AKR1C4: variants seen among roughly 807,000 people sequenced by gnomAD.
AKR1C4 encodes aldo-keto reductase family 1 member C4, also known as 3-alpha-HSD1.
AKR1C4 carries 44 observed loss-of-function variants against 41.0 expected under a neutral mutation model. The ratio of observed to expected loss-of-function variants is 1.07; its 90% CI spans 0.84 to 1.38. The LOEUF (loss-of-function observed/expected upper bound fraction) is 1.38, where lower values mean the gene tolerates loss of function less well. Among genes scored for constraint, AKR1C4 ranks in the 40% most tolerant of loss-of-function variants. The pLI is 0.00. For synonymous variants in AKR1C4, 165 were observed against 137.7 expected (o/e 1.20, Z -1.39); for missense variants, 438 against 387.9 (o/e 1.13, Z -1.09).
rs530573142 is a variant in AKR1C4, at chr10:5,200,062, G to T, written c.85-119G>T. On this transcript the variant is annotated intron_variant, in intron 1 of 8. Coordinates refer to ENST00000263126, the MANE Select transcript of AKR1C4 (RefSeq NM_001818.5). ...CTCCCCTAGAGGTCTGAGCAGCGGG[G>T]GCCTGAAGAAGCGAGCCACACCCCC... 2.4e-4 allele frequency: 314 copies of T among 1,305,484 alleles called. No individual in the cohort carries two copies. In the Middle Eastern group the frequency reaches 2.5e-3, roughly 10 times the overall value. 80.9% of individuals were successfully genotyped at this position (1,305,484 alleles called of 1,614,324 possible). A position where few individuals can be genotyped will look rare whatever the true frequency, so the allele number is the denominator to read the frequency against.
intron 2 of AKR1C4, among the ~76,000 whole-genome samples, chr10:5,203,092 G>A (rs1427645173): frequency 6.6e-6 from 1 of 151,930 alleles, no homozygotes; most frequent in African/African-American, 2.4e-5. Context: ...ATTGGTACCA[G>A]TTCTTCTTTG....
At chr10:5,203,167 G>C (rs1022790660) in intron 2 of AKR1C4, among the ~76,000 whole-genome samples, 1 of 151,984 alleles carries the variant, frequency 6.6e-6, no homozygotes, top group Non-Finnish European at 1.5e-5. Flanking sequence ...CACCTTCAAG[G>C]CCAGGTGCCA....
intron 7 of AKR1C4, among the ~76,000 whole-genome samples, chr10:5,214,320 T>C (rs1832622422): frequency 6.6e-6 from 1 of 152,158 alleles, no homozygotes; most frequent in Non-Finnish European, 1.5e-5. Flanking sequence ...TAAGATTATG[T>C]TGAATAGAAA....
chr10:5,200,769 C>T (rs957949927), intron 2 of AKR1C4, among the ~76,000 whole-genome samples: 9 of 152,134 alleles, frequency 5.9e-5, no homozygotes, highest in African/African-American at 1.9e-4. Flanking sequence ...CCCAACCTAA[C>T]CCACACTGAG....
At chr10:5,202,939 T>TTGTGTGTG (rs57414547) in intron 2 of AKR1C4, among the ~76,000 whole-genome samples, 3,944 of 139,128 alleles carry the variant, frequency 0.028, 127 homozygotes, top group African/African-American at 0.07. Flanking sequence ...TAGTTTTCTT[T>TTGTGTGTG]TGTGTGTGTG....
rs1832648331 is a variant in AKR1C4, at chr10:5,215,836, C to T, written c.847-875C>T. 3.9e-5 allele frequency among the ~76,000 whole-genome samples: 6 copies of T among 152,148 alleles called. No individual in the cohort carries two copies. In the South Asian group the frequency reaches 1.2e-3, roughly 31 times the overall value. ...AATGCCTAACAAGTTCCAGACTACC[C>T]CTTATCTTCCCATTTTCTTCTGAAC... is the stretch of plus-strand genomic sequence containing the variant. On this transcript the variant is annotated intron_variant, in intron 7 of 8. Transcript: ENST00000263126.
chr10:5,206,149 T>C, intron 4 of AKR1C4, 126 bp from the exon 5 acceptor site: 2 of 1,493,176 alleles, frequency 1.3e-6, no homozygotes, highest in Non-Finnish European at 1.8e-6. Flanking sequence ...TAATTTTTTC[T>C]CTTGAGAATC....
At chr10:5,218,314 T>A (rs892371859) in intron 8 of AKR1C4, among the ~76,000 whole-genome samples, 4 of 152,214 alleles carry the variant, frequency 2.6e-5, no homozygotes, top group Admixed American at 6.5e-5. Context: ...ACCAATAACA[T>A]TTAACCCTCA....
chr10:5,212,974 A>G lies in AKR1C4; in HGVS notation c.681-20A>G. ...CTGAATCCAGCCTCAAGACTTCAGC[A>G]TTTCTGGCTTTCCTTCCAGGGTGGA... On this transcript the variant is annotated intron_variant, in intron 6 of 8. Coordinates refer to ENST00000263126, the MANE Select transcript of AKR1C4 (RefSeq NM_001818.5). The G allele has an allele frequency of 6.2e-7, 1 of 1,612,754 alleles. No individual in the cohort carries two copies. The highest frequency in any genetic ancestry group is 1.1e-5 in the South Asian group (1 of 90,932).
At chr10:5,212,459 G>A (rs1832590079) in intron 5 of AKR1C4, among the ~76,000 whole-genome samples, 157 bp from the exon 6 acceptor site, 1 of 152,134 alleles carries the variant, frequency 6.6e-6, no homozygotes, top group Non-Finnish European at 1.5e-5. Context: ...TATACTTTTA[G>A]ACCAGTAATA....
chr10:5,207,453 G>A, intron 5 of AKR1C4: 2 of 362,570 alleles, frequency 5.5e-6, no homozygotes, highest in South Asian at 2.4e-5. Context: ...ATGGCATTGT[G>A]TTTGTTGTGG....
At chr10:5,218,008 GAT>G (rs1832679292) in intron 8 of AKR1C4, among the ~76,000 whole-genome samples, 1 of 152,086 alleles carries the variant, frequency 6.6e-6, no homozygotes, top group Non-Finnish European at 1.5e-5. Flanking sequence ...AACATTTTTA[GAT>G]ATCTTTATTA....
chr10:5,203,249 T>C (rs1832429841), intron 2 of AKR1C4, among the ~76,000 whole-genome samples: 1 of 152,014 alleles, frequency 6.6e-6, no homozygotes, highest in Non-Finnish European at 1.5e-5. Flanking sequence ...TCATTCCCAC[T>C]TGAGATAATA....
At chr10:5,202,939 TTG>T (rs57414547) in intron 2 of AKR1C4, among the ~76,000 whole-genome samples, 6,489 of 139,114 alleles carry the variant, frequency 0.047, 164 homozygotes, top group Middle Eastern at 0.067. Flanking sequence ...TAGTTTTCTT[TTG>T]TGTGTGTGTG....
At chr10:5,207,682 G>A (rs1211025482) in intron 5 of AKR1C4, 5 of 865,912 alleles carry the variant, frequency 5.8e-6, no homozygotes, top group Middle Eastern at 3.1e-4. Context: ...TGAAATAAAG[G>A]AAGGACTTGA....
intron 7 of AKR1C4, 151 bp downstream of exon 7, chr10:5,213,310 C>T (rs1832606491): frequency 1.5e-6 from 2 of 1,322,230 alleles, no homozygotes; most frequent in South Asian, 3.3e-5. Context: ...TTCTACTCTA[C>T]CACAGGAGGG....
chr10:5,201,202 TAC>T (rs1337310174), intron 2 of AKR1C4, among the ~76,000 whole-genome samples: 3 of 152,194 alleles, frequency 2.0e-5, no homozygotes, highest in African/African-American at 7.2e-5. Context: ...CCATAAAGAT[TAC>T]ACTCATTTAC....
chr10:5,206,172 A>G (rs1326815689), intron 4 of AKR1C4, 103 bp from the exon 5 acceptor site: 1 of 1,550,524 alleles, frequency 6.4e-7, no homozygotes, highest in Admixed American at 1.9e-5. Context: ...TGCTATTTTC[A>G]TTGTCATATC....
intron 1 of AKR1C4, 122 bp from the exon 2 acceptor site, chr10:5,200,059 G>T: frequency 2.4e-6 from 3 of 1,269,094 alleles, no homozygotes; most frequent in East Asian, 2.4e-5. Flanking sequence ...TCTGAGCAGC[G>T]GGGGCCTGAA....
Sources: gnomAD v4.1 joint callset for allele counts (sites outside exome capture counted in the v4.1 genomes callset) on GRCh38, gnomAD v4.1.1 for gene constraint, MANE v1.5 for transcripts, NCBI Gene and HGNC (gene_info 2026-07-23, HGNC 2026-07-21) for gene names.